Variants in CRTAC1 observed in about 807,000 individuals in gnomAD.
CRTAC1 encodes the protein cartilage acidic protein 1.
Under a neutral mutation model 67.8 loss-of-function variants are expected in CRTAC1, and 37 were observed. The ratio of observed to expected loss-of-function variants is 0.55; its 90% confidence interval spans 0.42 to 0.72. The LOEUF is 0.72. Among genes scored for constraint, CRTAC1 ranks in the 30% least tolerant of loss-of-function variants. The probability of loss-of-function intolerance (pLI) is 0.00; values close to 1 mark genes in which losing one functional copy is unlikely to be tolerated. For synonymous variants in CRTAC1, 348 were observed against 371.0 expected (o/e 0.94, Z 0.71); for missense variants, 780 against 931.6 (o/e 0.84, Z 2.12).
Position 98,011,166 on chromosome 10 carries a change from C to T in CRTAC1, c.196G>A (p.Asp66Asn). The T allele has an allele frequency of 6.2e-7, 1 of 1,614,190 alleles. No individual in the cohort carries two copies. The highest frequency in any genetic ancestry group is 8.5e-7 in the Non-Finnish European group (1 of 1,180,026). Residue 66 changes from aspartate (D) to asparagine (N), a missense_variant, in exon 2 of 15, where the codon GAT (aspartate) becomes AAT (asparagine). Coordinates refer to ENST00000370597, the MANE Select transcript of CRTAC1 (RefSeq NM_018058.7). ...YGVAVTDVDH[D>N]GDFEIVVAGY... ...GCCACGACGATCTCAAAGTCCCCATCATGGTCCACATCAGTAACTGCCACA... is the reference window on the plus strand; with the variant it reads ...GCCACGACGATCTCAAAGTCCCCATTATGGTCCACATCAGTAACTGCCACA...
At chr10:97,998,033 C>T (rs547650926) in intron 2 of CRTAC1, among the ~76,000 whole-genome samples, 10 of 152,034 alleles carry the variant, frequency 6.6e-5, no homozygotes, top group Admixed American at 3.3e-4. Context: ...TGCAGTGGTG[C>T]GATCTCGGCT....
intron 4 of CRTAC1, among the ~76,000 whole-genome samples, chr10:97,922,018 C>A (rs182845183): frequency 6.6e-6 from 1 of 152,180 alleles, no homozygotes; most frequent in Admixed American, 6.5e-5. Flanking sequence ...CATGCCTCTC[C>A]CCCCAGTTCT....
chr10:98,022,873 C>T (rs1843151728), intron 1 of CRTAC1, among the ~76,000 whole-genome samples: 1 of 152,152 alleles, frequency 6.6e-6, no homozygotes, highest in African/African-American at 2.4e-5. Flanking sequence ...AGGATTTGAA[C>T]ATCCTGGGGC....
intron 2 of CRTAC1, among the ~76,000 whole-genome samples, chr10:97,976,120 C>T (rs1268021232): frequency 1.3e-5 from 2 of 152,206 alleles, no homozygotes; most frequent in African/African-American, 4.8e-5. Flanking sequence ...CCGCAGCGTA[C>T]TCTCATCCAG....
At chr10:97,921,998 G>A (rs1330104677) in intron 4 of CRTAC1, among the ~76,000 whole-genome samples, 2 of 151,696 alleles carry the variant, frequency 1.3e-5, no homozygotes, top group Non-Finnish European at 2.9e-5. Context: ...ATCTCTTTGT[G>A]ATTAACCTGC....
rs1203151438 is a variant in CRTAC1 at position 97,879,853 on chromosome 10, G to A, written c.1819+396C>T. 4 of 1,211,894 alleles carry A rather than the reference G, an allele frequency of 3.3e-6. No homozygotes were observed. In the East Asian group the frequency reaches 8.0e-5, roughly 24 times the overall value. The allele number at this position is 1,211,894 out of a possible 1,614,324, so 75.1% of individuals were successfully genotyped here. ...AGAAAATGGGAAAAAGAGAAAGGGG[G>A]TGGGGACGGGGTGGGGGTGGAGGAA... On this transcript the variant is annotated intron_variant, in intron 14 of 14. Coordinates refer to ENST00000370597, the MANE Select transcript of CRTAC1 (RefSeq NM_018058.7).
intron 2 of CRTAC1, among the ~76,000 whole-genome samples, chr10:97,989,173 C>T (rs1309612334): frequency 6.6e-6 from 1 of 152,204 alleles, no homozygotes; most frequent in East Asian, 1.9e-4. Context: ...GCAGGCTTTT[C>T]TGAACCTTTT....
intron 2 of CRTAC1, among the ~76,000 whole-genome samples, chr10:97,970,450 G>A (rs1049872561): frequency 1.3e-5 from 2 of 152,098 alleles, no homozygotes; most frequent in East Asian, 3.8e-4. Context: ...CTGTCCTCAG[G>A]GCCAGCGTGG....
rs1372694 is a variant in CRTAC1, at chr10:97,959,297, G to A, written c.225-22931C>T. Among the ~76,000 whole-genome samples, 835 of 152,274 alleles carry A rather than the reference G, an allele frequency of 5.5e-3. 19 individuals carry two copies. The highest frequency in any genetic ancestry group is 0.029 in the Admixed American group (441 of 15,304). On this transcript the variant is annotated intron_variant, in intron 2 of 14. Transcript: ENST00000370597. ...ATAAGCAAAGGGAAAAGGCATGTGG[G>A]GTCACCAGGCACAAGCTTCCAAGAG...
At chr10:97,879,195 GACC>G (rs2050180298) in intron 14 of CRTAC1, among the ~76,000 whole-genome samples, 1 of 152,054 alleles carries the variant, frequency 6.6e-6, no homozygotes, top group African/African-American at 2.4e-5. Context: ...AGTCCCAAAG[GACC>G]ACCCTTTTCC....
intron 14 of CRTAC1, chr10:97,875,896 G>C (rs1458619332): frequency 1.3e-5 from 2 of 152,188 alleles, no homozygotes; most frequent in Non-Finnish European, 1.5e-5. Flanking sequence ...CCCAGAGTAG[G>C]GTTGGCAACC....
intron 14 of CRTAC1, among the ~76,000 whole-genome samples, chr10:97,871,879 G>T (rs1483440347): frequency 6.6e-6 from 1 of 152,182 alleles, no homozygotes; most frequent in Non-Finnish European, 1.5e-5. Flanking sequence ...GGGCATGAAG[G>T]TACTAGTTAT....
intron 2 of CRTAC1, among the ~76,000 whole-genome samples, chr10:97,971,797 C>A (rs889907571): frequency 6.6e-6 from 1 of 152,056 alleles, no homozygotes; most frequent in Non-Finnish European, 1.5e-5. Context: ...TTCAAAGATA[C>A]GTCTTATTAC....
intron 2 of CRTAC1, among the ~76,000 whole-genome samples, chr10:97,971,411 A>G (rs897205437): frequency 2.0e-5 from 3 of 152,256 alleles, no homozygotes; most frequent in African/African-American, 4.8e-5. Flanking sequence ...GCAGAAAGGC[A>G]AACATTGTAT....
intron 2 of CRTAC1, among the ~76,000 whole-genome samples, chr10:97,991,224 T>A (rs891622628): frequency 2.0e-5 from 3 of 148,070 alleles, no homozygotes; most frequent in African/African-American, 7.4e-5. Context: ...CTGGGTAACA[T>A]AGTGATACTC....
Position 97,880,288 on chromosome 10 carries a change from G to T in CRTAC1, c.1780C>A (p.Arg594=), listed in dbSNP as rs757570658. Reference sequence around the variant, plus strand: ...CCATCCTCGTTGGGCTCGTAGCCCCGACTGCACTTCTTGTTGGTCCGGCAC... The same window carrying T: ...CCATCCTCGTTGGGCTCGTAGCCCCTACTGCACTTCTTGTTGGTCCGGCAC... ...YRCRTNKKCS[R]GYEPNEDGTA... The change falls in exon 14 of 15, where the codon CGG becomes AGG. Residue 594 remains arginine (R), a synonymous_variant. Coordinates refer to ENST00000370597, the MANE Select transcript of CRTAC1 (RefSeq NM_018058.7). 6 of 1,614,180 alleles carry T rather than the reference G, an allele frequency of 3.7e-6. No individual in the cohort carries two copies. In the East Asian group the frequency reaches 1.1e-4, roughly 30 times the overall value.
chr10:98,029,701 AAAG>A lies in CRTAC1; in HGVS notation c.24+745_24+747del, dbSNP rs983653730. On this transcript the variant is annotated intron_variant, in intron 1 of 14. Transcript: ENST00000370597. The surrounding 1 kb of genome is among the most constrained non-coding windows in gnomAD (Gnocchi z 4.7). ...CCAGGGCTCCCAACTACTGTACTGC[AAAG>A]AAGCGCGCTGCATTGCTGGGCATGC... is the stretch of plus-strand genomic sequence containing the variant. Among the ~76,000 whole-genome samples, 30 of 152,280 alleles carry A rather than the reference AAAG, an allele frequency of 2.0e-4. No homozygotes were observed. The highest frequency in any genetic ancestry group is 7.0e-4 in the African/African-American group (29 of 41,566).
At chr10:98,000,477 G>A (rs2081029097) in intron 2 of CRTAC1, among the ~76,000 whole-genome samples, 1 of 152,232 alleles carries the variant, frequency 6.6e-6, no homozygotes, top group East Asian at 1.9e-4. Context: ...GTAGCAGCCA[G>A]CATGTCTGAC....
chr10:97,909,745 C>A (rs58190200), intron 5 of CRTAC1, among the ~76,000 whole-genome samples: 1 of 152,142 alleles, frequency 6.6e-6, no homozygotes, highest in African/African-American at 2.4e-5. Flanking sequence ...TGAAGAGATA[C>A]CTGCACTCTG....
Sources: gnomAD v4.1 joint callset for allele counts (sites outside exome capture counted in the v4.1 genomes callset) on GRCh38, gnomAD v4.1.1 for gene constraint, Gnocchi (gnomAD v3.1) non-coding constraint, MANE v1.5 for transcripts, NCBI Gene and HGNC (gene_info 2026-07-23, HGNC 2026-07-21) for gene names.